IL1RAPL1: variants seen among roughly 807,000 people sequenced by gnomAD.
The protein encoded by IL1RAPL1 is interleukin 1 receptor accessory protein like 1, also known as interleukin-1 receptor accessory protein-like 1.
In IL1RAPL1, 3 loss-of-function variants were observed where a neutral mutation model predicts 48.4. The ratio of observed to expected loss-of-function variants is 0.06; its 90% CI spans 0.03 to 0.16. The LOEUF is 0.16. Among genes scored for constraint, IL1RAPL1 ranks in the 10% least tolerant of loss-of-function variants. The probability of loss-of-function intolerance (pLI) is 1.00; values close to 1 mark genes in which losing one functional copy is unlikely to be tolerated. For synonymous variants in IL1RAPL1, 185 were observed against 187.7 expected, an observed-to-expected ratio of 0.99 and a Z score of 0.12; for missense variants, 349 against 530.6, an observed-to-expected ratio of 0.66 and a Z score of 3.36.
intron 5 of IL1RAPL1, among the ~76,000 whole-genome samples, chrX:29,526,707 A>G (rs2147775736): frequency 8.9e-6 from 1 of 112,371 alleles, no homozygotes; most frequent in African/African-American, 3.2e-5. Context: ...AATTAACAGA[A>G]AATGTGTAAA....
chrX:28,837,483 G>A (rs1381998492), intron 2 of IL1RAPL1, among the ~76,000 whole-genome samples: 1 of 109,712 alleles, frequency 9.1e-6, no homozygotes, highest in Non-Finnish European at 1.9e-5. Flanking sequence ...TGGGAATAGC[G>A]GAAATGATTG....
intron 9 of IL1RAPL1, among the ~76,000 whole-genome samples, chrX:29,948,400 C>A (rs1019485136): frequency 8.1e-5 from 9 of 111,279 alleles, no homozygotes; most frequent in Non-Finnish European, 1.5e-4. Flanking sequence ...GTTGTCATAG[C>A]AGAATTGAAA....
At chrX:28,781,014 A>G (rs1466389961) in intron 1 of IL1RAPL1, among the ~76,000 whole-genome samples, 1 of 111,591 alleles carries the variant, frequency 9.0e-6, no homozygotes, top group Non-Finnish European at 1.9e-5. Context: ...TATAATAATT[A>G]TCTCTTTACA....
chrX:29,386,863 C>T (rs1283769574), intron 3 of IL1RAPL1, among the ~76,000 whole-genome samples: 1 of 111,745 alleles, frequency 8.9e-6, no homozygotes, highest in Non-Finnish European at 1.9e-5. Context: ...TTTAAATGCT[C>T]AGTAAGTGAG....
intron 6 of IL1RAPL1, among the ~76,000 whole-genome samples, chrX:29,882,798 A>T (rs1932058749): frequency 8.9e-6 from 1 of 111,859 alleles, no homozygotes; most frequent in Non-Finnish European, 1.9e-5. Context: ...CATACATTTC[A>T]ACGTATGCCA....
At chrX:28,722,305 C>T (rs1287269428) in intron 1 of IL1RAPL1, among the ~76,000 whole-genome samples, 3 of 111,002 alleles carry the variant, frequency 2.7e-5, no homozygotes, top group East Asian at 2.8e-4. Flanking sequence ...TGAAGAGGTC[C>T]TTCACATCCC....
chrX:28,760,066 C>G (rs1240461743), intron 1 of IL1RAPL1, among the ~76,000 whole-genome samples: 2 of 111,163 alleles, frequency 1.8e-5, no homozygotes, highest in African/African-American at 6.5e-5. Flanking sequence ...TACTTCGTTC[C>G]CTTTGTCGAC....
chrX:29,802,771 ATATATATATATGTGTGTGTG>A (rs1224913423), intron 6 of IL1RAPL1, among the ~76,000 whole-genome samples: 13 of 29,640 alleles, frequency 4.4e-4, no homozygotes, highest in African/African-American at 1.8e-3. Context: ...ATATATATAT[ATATATATATATGTGTGTGTG>A]TATATATATA....
chrX:29,554,964 C>A (rs4829223), intron 5 of IL1RAPL1, among the ~76,000 whole-genome samples: 36,603 of 111,192 alleles, frequency 0.33, 5,180 homozygotes, highest in East Asian at 0.46. Flanking sequence ...TCCTAAAATA[C>A]AAATTGAAAT....
chrX:29,286,421 C>G (rs974030117), intron 3 of IL1RAPL1, among the ~76,000 whole-genome samples: 1 of 111,839 alleles, frequency 8.9e-6, no homozygotes, highest in Non-Finnish European at 1.9e-5. Flanking sequence ...GTGGCTCACA[C>G]CTGTAATCCC....
rs746936917 is a variant in IL1RAPL1 at position 28,669,400 on chromosome X, C to G, written c.-25+81353C>G. On this transcript the variant is annotated intron_variant, in intron 1 of 10. Coordinates refer to ENST00000378993, the MANE Select transcript of IL1RAPL1 (RefSeq NM_014271.4). ...TTGGGAAGCTGAGGCGGGTGGATCA[C>G]TTGATGTCAGGAGTTCAAGACCAGA... 2.5e-4 allele frequency among the ~76,000 whole-genome samples: 27 copies of G among 109,830 alleles called. No homozygotes were observed. The Admixed American group carries it at 2.5e-3, about 10-fold the overall frequency.
intron 6 of IL1RAPL1, among the ~76,000 whole-genome samples, chrX:29,878,324 C>G (rs994374831): frequency 1.8e-5 from 2 of 112,034 alleles, no homozygotes; most frequent in African/African-American, 3.2e-5. Context: ...AGGGGACTCT[C>G]CTTCCCATTT....
At chrX:29,278,437 T>A (rs1362340638) in intron 2 of IL1RAPL1, among the ~76,000 whole-genome samples, 2 of 111,619 alleles carry the variant, frequency 1.8e-5, no homozygotes, top group Non-Finnish European at 3.8e-5. Flanking sequence ...CTTCATGGCT[T>A]CCTTCATAAA....
chrX:28,888,846 T>C (rs1922705578), intron 2 of IL1RAPL1, among the ~76,000 whole-genome samples: 1 of 110,877 alleles, frequency 9.0e-6, no homozygotes, highest in African/African-American at 3.3e-5. Context: ...GTGGTGGTCA[T>C]TATGATATCA....
At chrX:29,029,761 A>G (rs1196575945) in intron 2 of IL1RAPL1, among the ~76,000 whole-genome samples, 3 of 111,984 alleles carry the variant, frequency 2.7e-5, no homozygotes, top group African/African-American at 6.5e-5. Context: ...CATCTTATCA[A>G]TTCTTTCTTT....
chrX:29,844,845 A>G (rs1044330764), intron 6 of IL1RAPL1, among the ~76,000 whole-genome samples: 2 of 112,115 alleles, frequency 1.8e-5, no homozygotes, highest in Non-Finnish European at 3.8e-5. Context: ...TCAGTTAAGA[A>G]TCTTGAGATG....
intron 1 of IL1RAPL1, among the ~76,000 whole-genome samples, chrX:28,763,542 A>G (rs1232034952): frequency 1.8e-5 from 2 of 111,615 alleles, no homozygotes; most frequent in African/African-American, 6.5e-5. Flanking sequence ...CAGGGTAGAG[A>G]AATTAAGAAA....
chrX:29,496,804 C>T (rs1399585503), intron 5 of IL1RAPL1, among the ~76,000 whole-genome samples: 1 of 111,556 alleles, frequency 9.0e-6, no homozygotes, highest in Non-Finnish European at 1.9e-5. Context: ...ACTACTATGA[C>T]CACGGAGAGT....
At chrX:29,827,836 G>A (rs1930774509) in intron 6 of IL1RAPL1, among the ~76,000 whole-genome samples, 1 of 112,468 alleles carries the variant, frequency 8.9e-6, no homozygotes, top group African/African-American at 3.2e-5. Context: ...AGCATTTAGA[G>A]AGATGTGTGG....
Sources: allele counts gnomAD v4.1 joint callset (sites outside exome capture counted in the v4.1 genomes callset), GRCh38; gene constraint gnomAD v4.1.1; transcripts MANE v1.5; gene names NCBI Gene and HGNC (gene_info 2026-07-23, HGNC 2026-07-21).